Variants in AADAT observed in about 807,000 individuals in gnomAD.
AADAT encodes the protein kynurenine/alpha-aminoadipate aminotransferase, mitochondrial.
AADAT carries 25 observed loss-of-function variants against 56.2 expected under a neutral mutation model. That is an observed-to-expected ratio of 0.44 (90% CI 0.32 to 0.62). The LOEUF is 0.62. Ranked by LOEUF, AADAT falls within the 20% of genes least tolerant of loss-of-function variation. The probability of loss-of-function intolerance (pLI) is 0.04; values close to 1 mark genes in which losing one functional copy is unlikely to be tolerated. For missense variants in AADAT, 387 were observed against 510.5 expected (o/e 0.76, Z 2.33); for synonymous variants, 173 against 164.7 (o/e 1.05, Z -0.39).
At chr4:170,073,403 G>GT (rs5864015) in intron 4 of AADAT, 58 bp from the exon 5 acceptor site, 42,135 of 1,129,956 alleles carry the variant, frequency 0.037, no homozygotes, top group Non-Finnish European at 0.043. Flanking sequence ...AGTGCTATTG[G>GT]TTTTTTTTTT....
At chr4:170,087,759 CTATA>C (rs1732634739) in intron 2 of AADAT, among the ~76,000 whole-genome samples, 1 of 151,818 alleles carries the variant, frequency 6.6e-6, no homozygotes, top group Non-Finnish European at 1.5e-5. Context: ...TATAGATTCT[CTATA>C]AATTATCCTT....
chr4:170,062,356 T>C (rs1427522406), intron 11 of AADAT, among the ~76,000 whole-genome samples: 1 of 152,130 alleles, frequency 6.6e-6, no homozygotes, highest in Non-Finnish European at 1.5e-5. Context: ...AGAAAAGTAA[T>C]TTTTAAGTTA....
At chr4:170,072,259 ATGTATATATATGTGTGTGTG>A (rs1581579179) in intron 5 of AADAT, among the ~76,000 whole-genome samples, 2 of 128,622 alleles carry the variant, frequency 1.6e-5, no homozygotes, top group African/African-American at 2.7e-5. Flanking sequence ...ATATAGATAC[ATGTATATATATGTGTGTGTG>A]TGTATATATA....
At chr4:170,065,658 G>A (rs1159075555) in intron 10 of AADAT, among the ~76,000 whole-genome samples, 4 of 151,898 alleles carry the variant, frequency 2.6e-5, no homozygotes, top group African/African-American at 9.7e-5. Flanking sequence ...CCGCCATCAC[G>A]CCCAGCTAAT....
In AADAT at chr4:170,060,817, G is replaced by C; in HGVS notation, c.*111C>G. 1 of 835,984 alleles carries C rather than the reference G, an allele frequency of 1.2e-6. No homozygotes were observed. Among genetic ancestry groups the C allele is most frequent in the Non-Finnish European group, 1.8e-6 (1 of 556,548 alleles). 51.8% of individuals were successfully genotyped at this position (835,984 alleles called of 1,614,324 possible). ...CAGGCCAGAGTGCAGTGGTGTGATC[G>C]TAGCTTACTGCAGCCTTGAATTCCT... On this transcript the variant is annotated 3_prime_UTR_variant, in exon 13 of 13. Coordinates refer to ENST00000337664, the MANE Select transcript of AADAT (RefSeq NM_016228.4).
At chr4:170,062,317 A>G (rs1731230698) in intron 11 of AADAT, among the ~76,000 whole-genome samples, 1 of 152,246 alleles carries the variant, frequency 6.6e-6, no homozygotes, top group Non-Finnish European at 1.5e-5. Context: ...ATAAATGGTA[A>G]TAAATACAAA....
intron 5 of AADAT, 33 bp from the exon 6 acceptor site, chr4:170,070,685 A>T: frequency 7.2e-7 from 1 of 1,390,046 alleles, no homozygotes; most frequent in Non-Finnish European, 1.0e-6. Context: ...TTTATTTCTT[A>T]ATCTATTTAT....
chr4:170,088,354 T>G (rs1464331948), intron 2 of AADAT, 42 bp downstream of exon 2: 1 of 1,521,396 alleles, frequency 6.6e-7, no homozygotes, highest in Non-Finnish European at 8.9e-7. Flanking sequence ...ATATTTCTTA[T>G]GAAAATAAGC....
intron 3 of AADAT, among the ~76,000 whole-genome samples, chr4:170,079,305 GAA>G (rs993074468): frequency 6.6e-6 from 1 of 152,202 alleles, no homozygotes; most frequent in African/African-American, 2.4e-5. Flanking sequence ...AGAATGTAGA[GAA>G]AAGAGTGGTG....
At chr4:170,066,186 T>G (rs1731451412) in intron 10 of AADAT, among the ~76,000 whole-genome samples, 1 of 152,214 alleles carries the variant, frequency 6.6e-6, no homozygotes, top group Admixed American at 6.5e-5. Context: ...AGATCTTTTT[T>G]TTTTTAATCA....
intron 5 of AADAT, among the ~76,000 whole-genome samples, chr4:170,071,278 C>A (rs1731750386): frequency 6.6e-6 from 1 of 152,116 alleles, no homozygotes; most frequent in Non-Finnish European, 1.5e-5. Context: ...GACAGGGTAG[C>A]TATTTCAGGT....
intron 4 of AADAT, among the ~76,000 whole-genome samples, chr4:170,077,356 C>T (rs1732090387): frequency 6.6e-6 from 1 of 152,056 alleles, no homozygotes; most frequent in South Asian, 2.1e-4. Flanking sequence ...TTGAGTTTTG[C>T]TTAATTTCTT....
chr4:170,091,313 G>C (rs188659446), upstream of AADAT, among the ~76,000 whole-genome samples: 1 of 152,176 alleles, frequency 6.6e-6, no homozygotes, highest in Admixed American at 6.5e-5. Context: ...TTGGCGGGCC[G>C]GCACTCAGAG....
At chr4:170,073,735 G>A (rs1001524234) in intron 4 of AADAT, among the ~76,000 whole-genome samples, 1 of 152,102 alleles carries the variant, frequency 6.6e-6, no homozygotes, top group Non-Finnish European at 1.5e-5. Context: ...TCCTGACCTC[G>A]TGATCCGCCC....
Position 170,069,197 on chromosome 4 carries a change from C to A in AADAT, c.754G>T (p.Asp252Tyr). 1 of 1,613,896 alleles carries A rather than the reference C, an allele frequency of 6.2e-7. No homozygotes were observed. The highest frequency in any genetic ancestry group is 8.5e-7 in the Non-Finnish European group (1 of 1,179,922). ...RVPTFLSMDV[D>Y]GRVIRADSFS... ...GAGTCAGCTCTGATGACACGTCCAT[C>A]AACATCCATGGAAAGAAATGTTGGT... The change falls in exon 7 of 13, where the codon GAT becomes TAT. Residue 252 changes from aspartate to tyrosine, a missense_variant. By Grantham distance (160) the Asp-to-Tyr change is radical (BLOSUM62 -3). Coordinates refer to ENST00000337664, the MANE Select transcript of AADAT (RefSeq NM_016228.4).
At chr4:170,065,344 C>T (rs904254647) in intron 10 of AADAT, among the ~76,000 whole-genome samples, 22 of 151,952 alleles carry the variant, frequency 1.4e-4, no homozygotes, top group African/African-American at 4.6e-4. Flanking sequence ...GTGGGCTTTA[C>T]GTTTCATTGA....
intron 3 of AADAT, among the ~76,000 whole-genome samples, chr4:170,085,495 A>G (rs1732514411): frequency 6.6e-6 from 1 of 152,206 alleles, no homozygotes; most frequent in South Asian, 2.1e-4. Context: ...TAGTGCCCCT[A>G]TAATAAGCAT....
chr4:170,068,687 C>A lies in AADAT; in HGVS notation c.804G>T (p.Gly268=), dbSNP rs1286929505. Reference sequence around the variant, plus strand: ...GACCAGTTAAAAATCCTATTCTCAACCTACGTGGAAAGAGAAAAGGCACGA... The same window carrying A: ...GACCAGTTAAAAATCCTATTCTCAAACTACGTGGAAAGAGAAAAGGCACGA... ...ADSFSKIISS[G]LRIGFLTGPK... The change falls in exon 8 of 13, where the codon GGG becomes GGT. Residue 268 remains glycine (G), a splice_region_variant and synonymous_variant. Coordinates refer to ENST00000337664, the MANE Select transcript of AADAT (RefSeq NM_016228.4). 6.3e-7 allele frequency: 1 copy of A among 1,579,962 alleles called. No individual in the cohort carries two copies. Among genetic ancestry groups the A allele is most frequent in the South Asian group, 1.2e-5 (1 of 85,184 alleles).
intron 3 of AADAT, among the ~76,000 whole-genome samples, chr4:170,080,926 C>A (rs1285656085): frequency 1.3e-5 from 2 of 152,090 alleles, no homozygotes; most frequent in African/African-American, 4.8e-5. Flanking sequence ...CAACAGGAAA[C>A]CATGACCTCC....
Sources: allele counts gnomAD v4.1 joint callset (sites outside exome capture counted in the v4.1 genomes callset), GRCh38; gene constraint gnomAD v4.1.1; transcripts MANE v1.5; gene names NCBI Gene and HGNC (gene_info 2026-07-23, HGNC 2026-07-21).